The following CNTN1 variants were observed in gnomAD, a reference collection of about 807,000 sequenced individuals.
The protein encoded by CNTN1 is contactin-1.
A neutral mutation model predicts 126.4 loss-of-function variants in CNTN1; 38 were observed. The observed-to-expected ratio is 0.30, with a 90% CI of 0.23 to 0.39. CNTN1 has a LOEUF of 0.39. CNTN1 is among the 10% of genes least tolerant of loss of function. The probability of loss-of-function intolerance (pLI) is 1.00; values close to 1 mark genes in which losing one functional copy is unlikely to be tolerated. For missense variants in CNTN1, 1,009 were observed against 1,248.4 expected, an observed-to-expected ratio of 0.81 and a Z score of 2.89; for synonymous variants, 413 against 422.6, an observed-to-expected ratio of 0.98 and a Z score of 0.28.
rs1330384486 is a variant in CNTN1, at chr12:40,939,441, G to C, written c.1335G>C (p.Lys445Asn). 1 of 1,613,832 alleles carries C rather than the reference G, an allele frequency of 6.2e-7. No individual in the cohort carries two copies. The highest frequency in any genetic ancestry group is 1.3e-5 in the African/African-American group (1 of 74,932). ...ECKPKAAPKPKFSWSKGTEWL... is the reference protein window; with the variant it reads ...ECKPKAAPKPNFSWSKGTEWL... ...AACCTAAAGCTGCACCGAAACCAAAGTTTTCATGGAGTAAAGGGACAGAGT... is the reference window on the plus strand; with the variant it reads ...AACCTAAAGCTGCACCGAAACCAAACTTTTCATGGAGTAAAGGGACAGAGT... The change falls in exon 12 of 24, where the codon AAG becomes AAC. Residue 445 changes from lysine (K) to asparagine (N), a missense_variant. By Grantham distance (94) the Lys-to-Asn change is moderately conservative (BLOSUM62 0). Transcript: ENST00000551295.
chr12:40,827,191 A>C (rs940328050), intron 1 of CNTN1, among the ~76,000 whole-genome samples: 18 of 140,278 alleles, frequency 1.3e-4, no homozygotes, highest in African/African-American at 5.1e-4. Context: ...TTTTTTTTTC[A>C]GGCAATGAAA....
intron 23 of CNTN1, among the ~76,000 whole-genome samples, chr12:41,064,659 G>C (rs1318439947): frequency 6.6e-6 from 1 of 152,036 alleles, no homozygotes; most frequent in Non-Finnish European, 1.5e-5. Flanking sequence ...ACAAAAATCT[G>C]GTGGTTTCCT....
Position 40,944,092 on chromosome 12 carries a change from T to C in CNTN1, c.1605T>C (p.Asp535=). The change falls in exon 14 of 24, where the codon GAT becomes GAC. Residue 535 remains aspartate (D), a synonymous_variant. Transcript: ENST00000551295. ...CTGCGTCCTTTGATCCTGCCTTGGA[T>C]CTCACATTTGTTTGGTCCTTCAATG... ...QCAASFDPAL[D]LTFVWSFNGY... is the part of the protein sequence containing the mutation. The C allele has an allele frequency of 6.2e-7, 1 of 1,613,598 alleles. No individual in the cohort carries two copies. The highest frequency in any genetic ancestry group is 8.5e-7 in the Non-Finnish European group (1 of 1,179,664).
At chr12:40,938,230 T>C (rs897735732) in intron 11 of CNTN1, among the ~76,000 whole-genome samples, 2 of 152,148 alleles carry the variant, frequency 1.3e-5, no homozygotes, top group African/African-American at 4.8e-5. Context: ...GAGCATGACA[T>C]CAATGAAGTA....
intron 1 of CNTN1, among the ~76,000 whole-genome samples, chr12:40,715,103 A>G (rs1021414917): frequency 6.6e-6 from 1 of 152,204 alleles, no homozygotes; most frequent in Non-Finnish European, 1.5e-5. Context: ...CTCTAAGCCC[A>G]TGATTGTTAA....
intron 17 of CNTN1, among the ~76,000 whole-genome samples, chr12:41,001,310 G>A (rs1011748666): frequency 2.0e-5 from 3 of 152,126 alleles, no homozygotes; most frequent in African/African-American, 7.2e-5. Flanking sequence ...ACTAATGTGA[G>A]ATAGTATCTC....
At chr12:40,718,197 T>A (rs1942097105) in intron 1 of CNTN1, among the ~76,000 whole-genome samples, 1 of 152,174 alleles carries the variant, frequency 6.6e-6, no homozygotes, top group Non-Finnish European at 1.5e-5. Context: ...TGAGACAGAA[T>A]CTTGCTCTGT....
intron 1 of CNTN1, among the ~76,000 whole-genome samples, chr12:40,906,334 C>G (rs1206308726): frequency 6.6e-6 from 1 of 151,996 alleles, no homozygotes; most frequent in Non-Finnish European, 1.5e-5. Context: ...CCTCTCTGCC[C>G]AATTCTGCCT....
intron 12 of CNTN1, 89 bp from the exon 13 acceptor site, chr12:40,943,508 T>C (rs908316329): frequency 1.1e-5 from 11 of 1,001,324 alleles, no homozygotes; most frequent in African/African-American, 9.9e-5. Context: ...AATGTAATAA[T>C]TGAAAAATAT....
chr12:40,746,428 TTGAC>T (rs1175965415), intron 1 of CNTN1, among the ~76,000 whole-genome samples: 1 of 152,080 alleles, frequency 6.6e-6, no homozygotes, highest in Non-Finnish European at 1.5e-5. Context: ...AAGAAAGAAT[TTGAC>T]TGAGGGGCAT....
chr12:40,933,876 A>G lies in CNTN1; in HGVS notation c.983A>G (p.Gln328Arg). 6.2e-7 allele frequency: 1 copy of G among 1,609,054 alleles called. No individual in the cohort carries two copies. Among genetic ancestry groups the G allele is most frequent in the Non-Finnish European group, 8.5e-7 (1 of 1,175,974 alleles). Residue 328 changes from glutamine (Q) to arginine (R), a missense_variant and splice_region_variant, in exon 9 of 24, where the codon CAA (glutamine) becomes CGA (arginine). Physicochemically the swap from Gln to Arg is conservative, Grantham distance 43 (BLOSUM62 1). Transcript: ENST00000551295. ...AAACATCAAGCAAGAATTTATGTTCAAGGTAGATACATTATTTTAATTTTG... is the reference window on the plus strand; with the variant it reads ...AAACATCAAGCAAGAATTTATGTTCGAGGTAGATACATTATTTTAATTTTG... Reference protein sequence around the residue: ...KDKHQARIYVQAFPEWVEHIN... With the variant: ...KDKHQARIYVRAFPEWVEHIN...
At chr12:40,867,245 A>G (rs115084214) in intron 1 of CNTN1, among the ~76,000 whole-genome samples, 2,951 of 152,260 alleles carry the variant, frequency 0.019, 77 homozygotes, top group African/African-American at 0.066. Flanking sequence ...CTAAAAAGAC[A>G]AGGTCTCCCC....
rs113712790 is a variant in CNTN1, at chr12:40,949,776, A to G, written c.1683+5606A>G. On this transcript the variant is annotated intron_variant, in intron 14 of 23. Coordinates refer to ENST00000551295, the MANE Select transcript of CNTN1 (RefSeq NM_001843.4). ...TTTTTAGTAGAGATGGGGTTTCACCATCTTGGCCAGGCTGGTCTCGAACTC... is the reference window on the plus strand; with the variant it reads ...TTTTTAGTAGAGATGGGGTTTCACCGTCTTGGCCAGGCTGGTCTCGAACTC... Among the ~76,000 whole-genome samples, 15 of 151,384 alleles carry G rather than the reference A, an allele frequency of 9.9e-5. 1 individual carries two copies. Among genetic ancestry groups the G allele is most frequent in the African/African-American group, 3.6e-4 (15 of 41,282 alleles).
intron 5 of CNTN1, among the ~76,000 whole-genome samples, chr12:40,922,831 C>T (rs962870685): frequency 2.0e-5 from 3 of 151,780 alleles, no homozygotes; most frequent in Admixed American, 6.6e-5. Context: ...ATTAGCTGGG[C>T]GTTGTGGTGC....
intron 1 of CNTN1, among the ~76,000 whole-genome samples, chr12:40,804,729 C>T (rs1579798): frequency 0.36 from 54,010 of 151,710 alleles, 9,770 homozygotes; most frequent in South Asian, 0.39. Context: ...ATTTTAAGAG[C>T]TCTTTATATT....
chr12:40,813,760 GA>G (rs1941169467), intron 1 of CNTN1, among the ~76,000 whole-genome samples: 3 of 152,136 alleles, frequency 2.0e-5, no homozygotes, highest in Admixed American at 2.0e-4. Flanking sequence ...GATCCTTGAG[GA>G]ATCACCATAC....
At chr12:40,858,724 A>C (rs186881596) in intron 1 of CNTN1, among the ~76,000 whole-genome samples, 34 of 152,316 alleles carry the variant, frequency 2.2e-4, no homozygotes, top group African/African-American at 8.2e-4. Flanking sequence ...CAGGGAATCA[A>C]CCCAAATCCT....
At chr12:40,932,726 C>T (rs922837206) in intron 7 of CNTN1, among the ~76,000 whole-genome samples, 4 of 151,848 alleles carry the variant, frequency 2.6e-5, no homozygotes, top group East Asian at 1.9e-4. Flanking sequence ...TTCTAACTAC[C>T]GTCCTCATCA....
intron 1 of CNTN1, among the ~76,000 whole-genome samples, chr12:40,791,684 G>A (rs1170443922): frequency 6.6e-6 from 1 of 152,062 alleles, no homozygotes; most frequent in African/African-American, 2.4e-5. Context: ...CTTGTGCACA[G>A]AGCTAATAAA....
Sources: allele counts gnomAD v4.1 joint callset (sites outside exome capture counted in the v4.1 genomes callset), GRCh38; gene constraint gnomAD v4.1.1; transcripts MANE v1.5; gene names NCBI Gene and HGNC (gene_info 2026-07-23, HGNC 2026-07-21).